Variants in SNTG1 observed in about 807,000 individuals in gnomAD.
SNTG1 encodes the protein syntrophin gamma 1.
A neutral mutation model predicts 74.7 loss-of-function variants in SNTG1; 39 were observed. The ratio of observed to expected loss-of-function variants is 0.52; its 90% CI spans 0.40 to 0.68. The LOEUF (loss-of-function observed/expected upper bound fraction) is 0.68, where lower values mean the gene tolerates loss of function less well. Ranked by LOEUF, SNTG1 falls within the 30% of genes least tolerant of loss-of-function variation. The probability of loss-of-function intolerance (pLI) is 0.00; values close to 1 mark genes in which losing one functional copy is unlikely to be tolerated. For missense variants in SNTG1, 685 were observed against 609.5 expected, an observed-to-expected ratio of 1.12 and a Z score of -1.30; for synonymous variants, 254 against 217.1, an observed-to-expected ratio of 1.17 and a Z score of -1.49.
intron 10 of SNTG1, among the ~76,000 whole-genome samples, chr8:50,536,464 A>T (rs545932760): frequency 6.6e-6 from 1 of 152,292 alleles, no homozygotes; most frequent in East Asian, 1.9e-4. Flanking sequence ...AGTCTCAATG[A>T]TTCCTTTCTT....
At position 50,778,273 on chromosome 8, in the gene SNTG1, G is replaced by A. The variant is rs533159669; in HGVS notation, c.1396-14398G>A. The stretch of plus-strand genomic sequence containing the variant: ...TCCAGTTCTAGATCCCTGAGGAATC[G>A]CCACACTGACTTCCACAATGGTTGA... On this transcript the variant is annotated intron_variant, in intron 18 of 18. Transcript: ENST00000642720. Among the ~76,000 whole-genome samples the A allele has an allele frequency of 4.1e-3, 625 of 152,176 alleles. 1 individual carries two copies. The highest frequency in any genetic ancestry group is 6.7e-3 in the Non-Finnish European group (457 of 68,002).
intron 1 of SNTG1, among the ~76,000 whole-genome samples, chr8:50,068,774 A>G (rs1586133546): frequency 6.6e-6 from 1 of 151,858 alleles, no homozygotes; most frequent in Admixed American, 6.6e-5. Flanking sequence ...GCTGCTGTTG[A>G]ATGTTGAGTA....
chr8:49,920,968 C>T (rs318860), intron 1 of SNTG1, among the ~76,000 whole-genome samples: 20,045 of 151,986 alleles, frequency 0.13, 1,504 homozygotes, highest in Middle Eastern at 0.2. Flanking sequence ...GTGTGAAATA[C>T]GCTTCTTTGG....
chr8:50,393,630 C>T (rs941559685), intron 2 of SNTG1, among the ~76,000 whole-genome samples: 3 of 152,068 alleles, frequency 2.0e-5, no homozygotes, highest in Non-Finnish European at 2.9e-5. Flanking sequence ...ATTATAGTGA[C>T]CATAGATGAA....
chr8:50,458,053 C>CCCT (rs1456541253), intron 8 of SNTG1: 2 of 152,228 alleles, frequency 1.3e-5, no homozygotes, highest in Non-Finnish European at 2.9e-5. Flanking sequence ...CTAAACCACA[C>CCCT]AGTGGAGCCC....
At chr8:50,330,419 C>T (rs1035136406) in intron 2 of SNTG1, among the ~76,000 whole-genome samples, 1 of 152,128 alleles carries the variant, frequency 6.6e-6, no homozygotes, top group Non-Finnish European at 1.5e-5. Context: ...ACTAATACAA[C>T]ATCATCATCC....
intron 2 of SNTG1, among the ~76,000 whole-genome samples, chr8:50,173,735 T>C (rs2082890042): frequency 6.6e-6 from 1 of 152,176 alleles, no homozygotes; most frequent in South Asian, 2.1e-4. Context: ...ATTGTGCTGT[T>C]TCTTGTCATG....
rs552380263 is a variant in SNTG1 at position 50,399,228 on chromosome 8, T to C, written c.28-2982T>C. 6.0e-3 allele frequency among the ~76,000 whole-genome samples: 796 copies of C among 132,724 alleles called. 10 individuals carry two copies. In the South Asian group the frequency reaches 0.062, roughly 10 times the overall value. 87.1% of individuals were successfully genotyped at this position (132,724 alleles called of 152,430 possible). A position where few individuals can be genotyped will look rare whatever the true frequency, so the allele number is the denominator to read the frequency against. ...GTTTGTGAGTGTGTGTGTGTGTGTG[T>C]GCTTCTGTGATTTATTCTAAAAAAA... On this transcript the variant is annotated intron_variant, in intron 3 of 18. Transcript: ENST00000642720.
At chr8:49,920,481 A>T (rs987183692) in intron 1 of SNTG1, among the ~76,000 whole-genome samples, 1 of 152,064 alleles carries the variant, frequency 6.6e-6, no homozygotes, top group African/African-American at 2.4e-5. Flanking sequence ...TAGGAAGAAA[A>T]ACTGCCTCTC....
chr8:50,133,741 G>T (rs147563285), intron 1 of SNTG1, among the ~76,000 whole-genome samples: 31 of 152,230 alleles, frequency 2.0e-4, no homozygotes, highest in African/African-American at 7.5e-4. Flanking sequence ...CTTCTTTAAA[G>T]AATATAAGTC....
At chr8:50,134,109 G>T (rs1387649217) in intron 1 of SNTG1, among the ~76,000 whole-genome samples, 2 of 152,138 alleles carry the variant, frequency 1.3e-5, no homozygotes, top group African/African-American at 2.4e-5. Flanking sequence ...GCCATTCATG[G>T]AACTCAATCT....
chr8:50,465,798 A>G (rs2093604389), intron 8 of SNTG1, among the ~76,000 whole-genome samples: 1 of 152,194 alleles, frequency 6.6e-6, no homozygotes, highest in Non-Finnish European at 1.5e-5. Context: ...TTACTGAAGA[A>G]TATCCCATCA....
rs866730805 is a variant in SNTG1, at chr8:50,628,738, A to G, written c.850-28171A>G. Among the ~76,000 whole-genome samples, 4 of 152,100 alleles carry G rather than the reference A, an allele frequency of 2.6e-5. No homozygotes were observed. In the South Asian group the frequency reaches 6.2e-4, roughly 24 times the overall value. On this transcript the variant is annotated intron_variant, in intron 13 of 18. Transcript: ENST00000642720. ...TTACTTGTGGTCTTTAATAATAACA[A>G]GTAAATCAAAATATATGTTTATTTT...
intron 13 of SNTG1, among the ~76,000 whole-genome samples, chr8:50,628,304 G>A (rs538725475): frequency 2.0e-5 from 3 of 152,046 alleles, no homozygotes; most frequent in South Asian, 4.1e-4. Context: ...TTAAGCCTCG[G>A]AATTGATTTT....
Position 50,718,936 on chromosome 8 carries a change from G to A in SNTG1, c.1284+9958G>A, listed in dbSNP as rs539261559. Among the ~76,000 whole-genome samples, 4 of 152,254 alleles carry A rather than the reference G, an allele frequency of 2.6e-5. No homozygotes were observed. In the South Asian group the frequency reaches 8.3e-4, roughly 32 times the overall value. On this transcript the variant is annotated intron_variant, in intron 17 of 18. Coordinates refer to ENST00000642720, the MANE Select transcript of SNTG1 (RefSeq NM_018967.5). ...AGAGACAGTGGTTGTTTCTTAGATT[G>A]CAGAATGCATTTACTTAGATGTACA...
chr8:50,452,044 G>T (rs899402700), intron 8 of SNTG1, among the ~76,000 whole-genome samples: 9 of 152,264 alleles, frequency 5.9e-5, no homozygotes, highest in African/African-American at 2.2e-4. Flanking sequence ...AAACTATGTT[G>T]ATACATTTCA....
intron 18 of SNTG1, among the ~76,000 whole-genome samples, chr8:50,772,032 A>G (rs2095628480): frequency 6.6e-6 from 1 of 152,160 alleles, no homozygotes; most frequent in Non-Finnish European, 1.5e-5. Context: ...GCCACCACAG[A>G]GAACCTCTCA....
intron 1 of SNTG1, among the ~76,000 whole-genome samples, chr8:50,034,220 T>C (rs533529046): frequency 1.3e-5 from 2 of 152,252 alleles, no homozygotes; most frequent in East Asian, 3.9e-4. Context: ...TCATCAAATT[T>C]TTTGCCAGAA....
intron 4 of SNTG1, among the ~76,000 whole-genome samples, chr8:50,429,764 G>A (rs1031626437): frequency 6.6e-6 from 1 of 151,968 alleles, no homozygotes; most frequent in African/African-American, 2.4e-5. Flanking sequence ...TATCCAGAAA[G>A]TGTAAAAAGT....
Sources: allele counts gnomAD v4.1 joint callset (sites outside exome capture counted in the v4.1 genomes callset), GRCh38; gene constraint gnomAD v4.1.1; transcripts MANE v1.5; gene names NCBI Gene and HGNC (gene_info 2026-07-23, HGNC 2026-07-21).